The following SFMBT2 variants were observed in gnomAD, a reference collection of about 807,000 sequenced individuals.
SFMBT2 encodes Scm like with four mbt domains 2.
In SFMBT2, 38 loss-of-function variants were observed where a neutral mutation model predicts 110.1. That is an observed-to-expected ratio of 0.35 (90% CI 0.27 to 0.45). The LOEUF (loss-of-function observed/expected upper bound fraction) is 0.45. SFMBT2 is among the 20% of genes least tolerant of loss of function. The probability of loss-of-function intolerance (pLI) is 1.00; values close to 1 mark genes in which losing one functional copy is unlikely to be tolerated. For missense variants in SFMBT2, 1,011 were observed against 1,094.9 expected, an observed-to-expected ratio of 0.92 and a Z score of 1.08; for synonymous variants, 425 against 425.4, an observed-to-expected ratio of 1.00 and a Z score of 0.01.
In SFMBT2 at chr10:7,163,949, T is replaced by G; in HGVS notation, c.2545-39A>C. ...AAGGCAGGTTAGAGAAGGGGCAGTGTGCACTGGGGTACACAGATGCGTCAC... is the reference window on the plus strand; with the variant it reads ...AAGGCAGGTTAGAGAAGGGGCAGTGGGCACTGGGGTACACAGATGCGTCAC... On this transcript the variant is annotated intron_variant, in intron 20 of 20. Transcript: ENST00000397167. The surrounding 1 kb of genome is among the most constrained non-coding windows in gnomAD (Gnocchi z 4.8). 6 of 1,597,478 alleles carry G rather than the reference T, an allele frequency of 3.8e-6. No homozygotes were observed. The highest frequency in any genetic ancestry group is 5.1e-6 in the Non-Finnish European group (6 of 1,171,210).
intron 7 of SFMBT2, among the ~76,000 whole-genome samples, chr10:7,273,077 G>C (rs1383353706): frequency 3.3e-5 from 5 of 152,222 alleles, no homozygotes; most frequent in African/African-American, 7.2e-5. Context: ...TTACAGGCGT[G>C]AGCCACCAAC....
chr10:7,269,931 A>G (rs1841527314), intron 7 of SFMBT2, among the ~76,000 whole-genome samples: 1 of 151,778 alleles, frequency 6.6e-6, no homozygotes. Context: ...AAGCAGAGGA[A>G]GTCAGTAGAG....
chr10:7,227,846 G>A lies in SFMBT2; in HGVS notation c.1203+9C>T. The A allele has an allele frequency of 6.3e-7, 1 of 1,599,236 alleles. No homozygotes were observed. The highest frequency in any genetic ancestry group is 1.4e-5 in the African/African-American group (1 of 74,048). On this transcript the variant is annotated intron_variant, in intron 10 of 20. Coordinates refer to ENST00000397167, the MANE Select transcript of SFMBT2 (RefSeq NM_001387889.1). ...TTTTTAAAAATTAGGTAAGAGAGAA[G>A]CTTCTTACATTTCGGAAGCAGAAGG...
rs12260802 is a variant in SFMBT2 at position 7,225,309 on chromosome 10, T to C, written c.1203+2546A>G. ...CATTTTACTGTGTCGATTCCTTTCATAACAGCCTCTGTTAAACATCCCTGG... is the reference window on the plus strand; with the variant it reads ...CATTTTACTGTGTCGATTCCTTTCACAACAGCCTCTGTTAAACATCCCTGG... On this transcript the variant is annotated intron_variant, in intron 10 of 20. Transcript: ENST00000397167. 7.1e-3 allele frequency among the ~76,000 whole-genome samples: 1,089 copies of C among 152,336 alleles called. 14 individuals carry two copies. Among genetic ancestry groups the C allele is most frequent in the African/African-American group, 0.025 (1,031 of 41,578 alleles).
chr10:7,288,948 G>A (rs987996730), intron 4 of SFMBT2, among the ~76,000 whole-genome samples: 8 of 150,328 alleles, frequency 5.3e-5, no homozygotes, highest in African/African-American at 1.5e-4. Flanking sequence ...AGCCGAAATC[G>A]TGCCACTGCA....
chr10:7,168,103 G>T (rs1837749780), intron 20 of SFMBT2, among the ~76,000 whole-genome samples: 2 of 152,058 alleles, frequency 1.3e-5, no homozygotes, highest in South Asian at 2.1e-4. Flanking sequence ...TCTACAAGGG[G>T]GACAGTGTCG....
At chr10:7,404,300 T>C (rs1007444950) in intron 1 of SFMBT2, among the ~76,000 whole-genome samples, 29 of 152,230 alleles carry the variant, frequency 1.9e-4, no homozygotes, top group African/African-American at 7.0e-4. Flanking sequence ...AATTCCACAC[T>C]CTTGTATCAT....
chr10:7,351,612 G>A (rs1564453756), intron 4 of SFMBT2, among the ~76,000 whole-genome samples: 1 of 152,156 alleles, frequency 6.6e-6, no homozygotes, highest in Non-Finnish European at 1.5e-5. Flanking sequence ...ACTTTCATAA[G>A]CAAATGGCTG....
At chr10:7,197,975 C>T (rs1034044257) in intron 14 of SFMBT2, 18 of 984,066 alleles carry the variant, frequency 1.8e-5, no homozygotes, top group East Asian at 1.1e-4. Flanking sequence ...GAGAAAGAGG[C>T]GCTGTGTCCT....
At chr10:7,303,891 G>C (rs1842622968) in intron 4 of SFMBT2, among the ~76,000 whole-genome samples, 2 of 152,180 alleles carry the variant, frequency 1.3e-5, no homozygotes, top group African/African-American at 2.4e-5. Context: ...AGGTTACATG[G>C]AGTGGAGAAG....
intron 4 of SFMBT2, among the ~76,000 whole-genome samples, chr10:7,319,696 G>A (rs1588445094): frequency 6.6e-6 from 1 of 151,594 alleles, no homozygotes; most frequent in African/African-American, 2.4e-5. Flanking sequence ...CTGAGAGACT[G>A]AGAGACAGAG....
chr10:7,330,016 C>G (rs1305055600), intron 4 of SFMBT2, among the ~76,000 whole-genome samples: 2 of 152,118 alleles, frequency 1.3e-5, no homozygotes, highest in South Asian at 2.1e-4. Flanking sequence ...CTGAAGAAAC[C>G]CTTTGCACGA....
In SFMBT2 at chr10:7,382,016, A is replaced by G; in HGVS notation, c.-51-67T>C. Reference sequence around the variant, plus strand: ...ATATTGATTATATTCACTTATTTTTAATTTTGTTTAAAAAAAACCTTATTA... The same window carrying G: ...ATATTGATTATATTCACTTATTTTTGATTTTGTTTAAAAAAAACCTTATTA... On this transcript the variant is annotated intron_variant, in intron 1 of 20. Coordinates refer to ENST00000397167, the MANE Select transcript of SFMBT2 (RefSeq NM_001387889.1). 3 of 877,872 alleles carry G rather than the reference A, an allele frequency of 3.4e-6. No individual in the cohort carries two copies. In the South Asian group the frequency reaches 8.7e-5, roughly 25 times the overall value. 54.4% of individuals were successfully genotyped at this position (877,872 alleles called of 1,614,324 possible).
chr10:7,300,430 G>C (rs74465670), intron 4 of SFMBT2, among the ~76,000 whole-genome samples: 1 of 152,142 alleles, frequency 6.6e-6, no homozygotes, highest in Admixed American at 6.5e-5. Flanking sequence ...GGGCTGAGTC[G>C]TTCACTCCAA....
At chr10:7,281,148 C>T (rs1239336714) in intron 6 of SFMBT2, among the ~76,000 whole-genome samples, 3 of 152,066 alleles carry the variant, frequency 2.0e-5, no homozygotes, top group Non-Finnish European at 2.9e-5. Flanking sequence ...TGGGAAGCTG[C>T]GATGGGAAGA....
At chr10:7,370,877 T>G (rs1220001253) in intron 2 of SFMBT2, 1 of 863,316 alleles carries the variant, frequency 1.2e-6, no homozygotes, top group African/African-American at 1.8e-5. Context: ...AAAGAATTGC[T>G]CGAGTGTGTG....
intron 4 of SFMBT2, among the ~76,000 whole-genome samples, chr10:7,312,069 G>T (rs541037173): frequency 6.6e-6 from 1 of 152,238 alleles, no homozygotes; most frequent in South Asian, 2.1e-4. Flanking sequence ...ACACACAGGG[G>T]CCTGTCGTGG....
intron 10 of SFMBT2, among the ~76,000 whole-genome samples, chr10:7,225,222 G>A (rs941042283): frequency 3.3e-5 from 5 of 152,096 alleles, no homozygotes; most frequent in Non-Finnish European, 7.4e-5. Context: ...TCAATCCACC[G>A]CTTGAGGGTA....
At chr10:7,318,723 G>A (rs936817161) in intron 4 of SFMBT2, among the ~76,000 whole-genome samples, 4 of 152,266 alleles carry the variant, frequency 2.6e-5, no homozygotes, top group Non-Finnish European at 5.9e-5. Context: ...GCGTCTCCGC[G>A]TCTTCTATTC....
Sources: allele counts gnomAD v4.1 joint callset (sites outside exome capture counted in the v4.1 genomes callset), GRCh38; gene constraint gnomAD v4.1.1; non-coding constraint Gnocchi (gnomAD v3.1); transcripts MANE v1.5; gene names NCBI Gene and HGNC (gene_info 2026-07-23, HGNC 2026-07-21).